NOTCH2: variants seen among roughly 807,000 people sequenced by gnomAD.
NOTCH2 encodes notch receptor 2.
A neutral mutation model predicts 235.8 loss-of-function variants in NOTCH2; 29 were observed. The ratio of observed to expected loss-of-function variants is 0.12; its 90% confidence interval spans 0.09 to 0.17. The LOEUF is 0.17. NOTCH2 is among the 10% of genes least tolerant of loss of function. The pLI is 1.00. For synonymous variants in NOTCH2, 1,086 were observed against 1,141.5 expected (o/e 0.95, Z 0.98); for missense variants, 2,285 against 3,150.2 (o/e 0.73, Z 6.57).
At chr1:119,924,112 GC>G (rs1375245668) in intron 25 of NOTCH2, 128 bp from the exon 26 acceptor site, 1 of 780,512 alleles carries the variant, frequency 1.3e-6, no homozygotes, top group African/African-American at 1.7e-5. Context: ...GGACCCAAAT[GC>G]CCCACAAAAC....
chr1:119,921,586 T>A (rs1031611690), intron 29 of NOTCH2, 127 bp downstream of exon 29: 7 of 810,824 alleles, frequency 8.6e-6, no homozygotes, highest in African/African-American at 3.3e-5. Flanking sequence ...GGATAGTTAT[T>A]GTCTGGGTAA....
intron 5 of NOTCH2, among the ~76,000 whole-genome samples, chr1:119,982,483 A>G (rs1416809072): frequency 1.3e-5 from 2 of 152,240 alleles, no homozygotes; most frequent in African/African-American, 4.8e-5. Flanking sequence ...ATAACAGTCT[A>G]TGTAGACAAA....
At chr1:119,924,915 T>A (rs747518935) in intron 25 of NOTCH2, among the ~76,000 whole-genome samples, 2 of 152,136 alleles carry the variant, frequency 1.3e-5, no homozygotes, top group African/African-American at 4.8e-5. Context: ...TGCTTCCTGA[T>A]AAATCTAGAT....
chr1:120,015,113 T>C (rs1653383915), intron 2 of NOTCH2, among the ~76,000 whole-genome samples: 1 of 151,760 alleles, frequency 6.6e-6, no homozygotes, highest in African/African-American at 2.4e-5. Context: ...AAAACAGCTA[T>C]TTCAAAATCA....
chr1:119,959,283 C>T (rs1275149932), intron 12 of NOTCH2, 109 bp downstream of exon 12: 2 of 745,678 alleles, frequency 2.7e-6, no homozygotes, highest in Admixed American at 3.8e-5. Context: ...TACTAACCCT[C>T]CAGAGTGACA....
At chr1:119,957,974 A>C (rs1650772944) in intron 12 of NOTCH2, among the ~76,000 whole-genome samples, 1 of 152,060 alleles carries the variant, frequency 6.6e-6, no homozygotes, top group Non-Finnish European at 1.5e-5. Context: ...GCTGCTGTGC[A>C]CTGGTAACAT....
chr1:119,995,810 C>T (rs587741435), intron 4 of NOTCH2: 1 of 152,296 alleles, frequency 6.6e-6, no homozygotes, highest in South Asian at 2.1e-4. Flanking sequence ...GTGCCTAGAA[C>T]ATAGCAGGCA....
intron 13 of NOTCH2, among the ~76,000 whole-genome samples, chr1:119,954,560 T>A: frequency 6.6e-6 from 1 of 152,050 alleles, no homozygotes; most frequent in East Asian, 1.9e-4. Context: ...ATCACACAAG[T>A]CTGTGGGGCT....
intron 10 of NOTCH2, among the ~76,000 whole-genome samples, chr1:119,964,749 A>C (rs781869947): frequency 7.2e-5 from 11 of 152,234 alleles, no homozygotes. Flanking sequence ...GCAGTCAGAT[A>C]ATAAAGAAGT....
At chr1:120,046,362 A>G (rs1361386227) in intron 1 of NOTCH2, among the ~76,000 whole-genome samples, 1 of 17,036 alleles carries the variant, frequency 5.9e-5, no homozygotes, top group African/African-American at 3.4e-4. Flanking sequence ...CTGGCTCTCT[A>G]TCTTCTAGCC....
Position 119,996,794 on chromosome 1 carries a change from C to A in NOTCH2, c.751+203G>T, listed in dbSNP as rs782682482. 8 of 812,312 alleles carry A rather than the reference C, an allele frequency of 9.8e-6. No homozygotes were observed. The East Asian group carries it at 2.0e-4, about 20-fold the overall frequency. The allele number at this position is 812,312 out of a possible 1,614,324, so 50.3% of individuals were successfully genotyped here. A position where few individuals can be genotyped will look rare whatever the true frequency, so the allele number is the denominator to read the frequency against. On this transcript the variant is annotated intron_variant, in intron 4 of 33. Transcript: ENST00000256646. ...TTTTCTAGCCACTCATCATCATAAA[C>A]CCTGACATGCTAAATTATCCCCTGC...
At chr1:119,996,700 T>G (rs1553204186) in intron 4 of NOTCH2, 1 of 1,176,252 alleles carries the variant, frequency 8.5e-7, no homozygotes, top group Admixed American at 1.7e-5. Flanking sequence ...ATTCCAGACT[T>G]GCCTGTCCCT....
intron 17 of NOTCH2, among the ~76,000 whole-genome samples, chr1:119,947,155 T>G (rs1650288648): frequency 6.6e-6 from 1 of 152,126 alleles, no homozygotes; most frequent in African/African-American, 2.4e-5. Context: ...ACATGAAGCA[T>G]GAACTATAAA....
Position 119,916,250 on chromosome 1 carries a change from G to A in NOTCH2, c.6472C>T (p.His2158Tyr), listed in dbSNP as rs781288790. ...GATGTGGTGTCGGAAACATACGTGT[G>A]AGGAGATTCTAGGGAATCAACAGGG... ...LSPVDSLESP[H>Y]TYVSDTTSSP... Residue 2158 changes from histidine (H) to tyrosine (Y), a missense_variant, in exon 34 of 34, where the codon CAC (histidine) becomes TAC (tyrosine). By Grantham distance (83) the His-to-Tyr change is moderately conservative (BLOSUM62 2). This residue lies in a region of NOTCH2 where 504 missense variants were observed against 538.0 expected (regional missense o/e 0.94). Transcript: ENST00000256646. 2 of 1,614,220 alleles carry A rather than the reference G, an allele frequency of 1.2e-6. No individual in the cohort carries two copies. Among genetic ancestry groups the A allele is most frequent in the Non-Finnish European group, 1.7e-6 (2 of 1,180,030 alleles).
rs996996000 is a variant in NOTCH2 at position 119,915,283 on chromosome 1, C to A, written c.*23G>T. The A allele has an allele frequency of 7.4e-6, 12 of 1,611,118 alleles. No individual in the cohort carries two copies. The highest frequency in any genetic ancestry group is 1.0e-5 in the Non-Finnish European group (12 of 1,179,430). On this transcript the variant is annotated 3_prime_UTR_variant, in exon 34 of 34. Transcript: ENST00000256646. ...CAGCATTTACAAAAGTCAGTTATGT[C>A]TCTACACTGGAGGTGGACTCTCTCA...
rs587708611 is a variant in NOTCH2, at chr1:119,949,586, C to T, written c.2480-460G>A. 3.3e-5 allele frequency among the ~76,000 whole-genome samples: 5 copies of T among 152,124 alleles called. No homozygotes were observed. In the East Asian group the frequency reaches 9.7e-4, roughly 29 times the overall value. On this transcript the variant is annotated intron_variant, in intron 15 of 33. Coordinates refer to ENST00000256646, the MANE Select transcript of NOTCH2 (RefSeq NM_024408.4). Reference sequence around the variant, plus strand: ...TATTTTTAGTAGAGACGGGGTTTCACCATGTTAGCCAGGATGGCTGTGATC... The same window carrying T: ...TATTTTTAGTAGAGACGGGGTTTCATCATGTTAGCCAGGATGGCTGTGATC...
chr1:120,043,012 C>T (rs1553213092), intron 1 of NOTCH2, among the ~76,000 whole-genome samples: 2 of 150,536 alleles, frequency 1.3e-5, no homozygotes, highest in Non-Finnish European at 3.0e-5. Context: ...AATCAGTTGG[C>T]TGGTCAGTTT....
At chr1:120,014,667 C>G (rs1294681113) in intron 2 of NOTCH2, among the ~76,000 whole-genome samples, 3 of 120,706 alleles carry the variant, frequency 2.5e-5, no homozygotes, top group African/African-American at 6.7e-5. Context: ...AGCCACTTTA[C>G]AGATTTCAAC....
chr1:120,009,285 T>C lies in NOTCH2; in HGVS notation c.156-3697A>G, dbSNP rs374131811. Among the ~76,000 whole-genome samples the C allele has an allele frequency of 2.3e-4, 34 of 150,844 alleles. No homozygotes were observed. In the South Asian group the frequency reaches 5.9e-3, roughly 26 times the overall value. On this transcript the variant is annotated intron_variant, in intron 2 of 33. Transcript: ENST00000256646. ...CTCTAAATGGGATAATACTTACATA[T>C]GAGGTACAACAGACTTACTCTCCTA...
Sources: gnomAD v4.1 joint callset for allele counts (sites outside exome capture counted in the v4.1 genomes callset) on GRCh38, gnomAD v4.1.1 for gene constraint, gnomAD v4.1.1 regional missense constraint, MANE v1.5 for transcripts, NCBI Gene and HGNC (gene_info 2026-07-23, HGNC 2026-07-21) for gene names.